Variants in SUMF1 observed in about 807,000 individuals in gnomAD.
SUMF1 encodes sulfatase modifying factor 1.
A neutral mutation model predicts 47.6 loss-of-function variants in SUMF1; 48 were observed. The observed-to-expected ratio is 1.01, with a 90% CI of 0.80 to 1.28. SUMF1 has a LOEUF of 1.28. SUMF1 is among the 50% of genes most tolerant of loss of function. The pLI is 0.00. For synonymous variants in SUMF1, 230 were observed against 192.1 expected (o/e 1.20, Z -1.63); for missense variants, 571 against 485.4 (o/e 1.18, Z -1.66).
chr3:4,441,535 T>G (rs185022617), intron 3 of SUMF1, among the ~76,000 whole-genome samples: 1 of 152,096 alleles, frequency 6.6e-6, no homozygotes, highest in Non-Finnish European at 1.5e-5. Flanking sequence ...GCCAAAAAGG[T>G]TGGGGACTGC....
intron 8 of SUMF1, among the ~76,000 whole-genome samples, chr3:4,208,467 G>T (rs1419150930): frequency 1.4e-5 from 1 of 71,842 alleles, no homozygotes; most frequent in African/African-American, 6.3e-5. Context: ...CATTCTAGAA[G>T]GCAAAAAAAA....
At chr3:4,301,311 A>G (rs2125064098) in intron 8 of SUMF1, among the ~76,000 whole-genome samples, 1 of 152,348 alleles carries the variant, frequency 6.6e-6, no homozygotes, top group Admixed American at 6.5e-5. Flanking sequence ...TCCAACAGAG[A>G]ACAGCAGCAA....
At chr3:4,315,782 C>T (rs1241092188) in intron 8 of SUMF1, among the ~76,000 whole-genome samples, 2 of 152,078 alleles carry the variant, frequency 1.3e-5, no homozygotes, top group Non-Finnish European at 2.9e-5. Context: ...TGCAGTGGCT[C>T]ACACCTGTAA....
At chr3:4,112,787 T>C (rs1228344796) in intron 8 of SUMF1, among the ~76,000 whole-genome samples, 4 of 152,112 alleles carry the variant, frequency 2.6e-5, no homozygotes, top group Non-Finnish European at 5.9e-5. Context: ...CACCCCACTA[T>C]CCAACAGAGT....
At chr3:4,402,679 C>T (rs1701252639) in intron 7 of SUMF1, among the ~76,000 whole-genome samples, 1 of 152,100 alleles carries the variant, frequency 6.6e-6, no homozygotes, top group South Asian at 2.1e-4. Context: ...TCAAAGACAG[C>T]ACTGATAGCC....
At chr3:4,321,132 C>A (rs1485655321) in intron 8 of SUMF1, among the ~76,000 whole-genome samples, 1 of 152,092 alleles carries the variant, frequency 6.6e-6, no homozygotes, top group Non-Finnish European at 1.5e-5. Flanking sequence ...GAAGGATGAT[C>A]CATGTGGTAA....
At chr3:4,060,757 C>T (rs532245023) in intron 9 of SUMF1, among the ~76,000 whole-genome samples, 8 of 152,204 alleles carry the variant, frequency 5.3e-5, no homozygotes, top group South Asian at 4.2e-4. Context: ...TGAGGGACTA[C>T]GCATATGTAG....
chr3:4,366,322 G>T (rs2125189791), intron 8 of SUMF1, among the ~76,000 whole-genome samples: 1 of 152,286 alleles, frequency 6.6e-6, no homozygotes. Flanking sequence ...TTCCAACTTG[G>T]TTCCATTCTC....
intron 7 of SUMF1, among the ~76,000 whole-genome samples, chr3:4,380,736 A>G (rs923562151): frequency 1.3e-5 from 2 of 152,174 alleles, no homozygotes; most frequent in African/African-American, 4.8e-5. Flanking sequence ...CATGTCTCCA[A>G]TGCTTGCATG....
intron 7 of SUMF1, among the ~76,000 whole-genome samples, chr3:4,395,459 G>T (rs944385721): frequency 3.9e-5 from 6 of 152,132 alleles, no homozygotes; most frequent in Admixed American, 3.9e-4. Flanking sequence ...ATGAAGAAGG[G>T]ACTGCAATTA....
At chr3:4,418,172 C>G in intron 4 of SUMF1, 40 bp from the exon 5 acceptor site, 2 of 1,613,344 alleles carry the variant, frequency 1.2e-6, no homozygotes, top group South Asian at 2.2e-5. Context: ...TGACACCAAT[C>G]AGAACAAGAA....
chr3:4,073,566 T>C (rs1287241881), intron 8 of SUMF1, among the ~76,000 whole-genome samples: 1 of 152,114 alleles, frequency 6.6e-6, no homozygotes, highest in Non-Finnish European at 1.5e-5. Context: ...TCAAGACCCA[T>C]TGGTGTGCAG....
chr3:4,267,483 T>C (rs1246787257), intron 8 of SUMF1, among the ~76,000 whole-genome samples: 4 of 152,186 alleles, frequency 2.6e-5, no homozygotes, highest in Non-Finnish European at 5.9e-5. Flanking sequence ...AATTTATCCA[T>C]TTCTTCTAGA....
chr3:4,172,941 T>C (rs1408699686), intron 8 of SUMF1, among the ~76,000 whole-genome samples: 2 of 152,224 alleles, frequency 1.3e-5, no homozygotes, highest in African/African-American at 4.8e-5. Context: ...GCCTATGTTT[T>C]GAATGGTATT....
At chr3:4,214,444 A>G (rs1046012041) in intron 8 of SUMF1, among the ~76,000 whole-genome samples, 3 of 152,202 alleles carry the variant, frequency 2.0e-5, no homozygotes, top group African/African-American at 4.8e-5. Context: ...AATGCCCACA[A>G]GAGAAAGCAG....
intron 8 of SUMF1, among the ~76,000 whole-genome samples, chr3:4,217,076 G>A (rs1292994041): frequency 6.6e-6 from 1 of 152,100 alleles, no homozygotes; most frequent in African/African-American, 2.4e-5. Context: ...TATGTTTATT[G>A]TGGCACTATT....
intron 8 of SUMF1, among the ~76,000 whole-genome samples, chr3:4,326,522 G>GTTTTTTTTTTTTTTTTTTTTTTTTTT (rs35648890): frequency 7.8e-6 from 1 of 128,698 alleles, no homozygotes; most frequent in African/African-American, 3.4e-5. Flanking sequence ...TTTTCCAAGG[G>GTTTTTTTTTTTTTTTTTTTTTTTTTT]TTTTTTTTTT....
In SUMF1 at chr3:4,372,223, C is replaced by A. The variant is rs145719477; in HGVS notation, c.1014+4107G>T. 1.4e-3 allele frequency among the ~76,000 whole-genome samples: 209 copies of A among 152,170 alleles called. 2 individuals carry two copies. Among genetic ancestry groups the A allele is most frequent in the African/African-American group, 4.6e-3 (190 of 41,516 alleles). On this transcript the variant is annotated intron_variant, in intron 8 of 8. Transcript: ENST00000272902. ...AGCTGAGGCAGGAGAAATGCTTGAA[C>A]CTGGGAGGCGGACATTGCAGTGAGC...
intron 8 of SUMF1, among the ~76,000 whole-genome samples, chr3:4,307,192 C>A (rs143433860): frequency 8.3e-4 from 126 of 152,286 alleles, no homozygotes; most frequent in African/African-American, 2.9e-3. Context: ...TAGAATGTTA[C>A]AGTATCATAC....
Sources: gnomAD v4.1 joint callset for allele counts (sites outside exome capture counted in the v4.1 genomes callset) on GRCh38, gnomAD v4.1.1 for gene constraint, MANE v1.5 for transcripts, NCBI Gene and HGNC (gene_info 2026-07-23, HGNC 2026-07-21) for gene names.